UNC80: variants seen among roughly 807,000 people sequenced by gnomAD.
UNC80 encodes unc-80 subunit of NALCN channel complex.
UNC80 carries 164 observed loss-of-function variants against 384.6 expected under a neutral mutation model. That is an observed-to-expected ratio of 0.43 (90% CI 0.38 to 0.49). UNC80 has a LOEUF of 0.49. Among genes scored for constraint, UNC80 ranks in the 20% least tolerant of loss-of-function variants. UNC80 has a pLI of 0.00. For synonymous variants in UNC80, 1,486 were observed against 1,527.8 expected (o/e 0.97, Z 0.64); for missense variants, 3,330 against 4,143.0 (o/e 0.80, Z 5.39).
Position 209,973,164 on chromosome 2 carries a change from C to T in UNC80, c.8481C>T (p.Asn2827=), listed in dbSNP as rs1438680257. ...PRIISTSRSK[N]FMLESSPAHC... is the part of the protein sequence containing the mutation. The stretch of plus-strand genomic sequence containing the variant: ...TCATCAGCACATCCAGGAGCAAGAA[C>T]TTCATGTTAGAGAGCTCCCCAGCCC... The change falls in exon 56 of 65, where the codon AAC becomes AAT. Residue 2827 remains asparagine (N), a synonymous_variant. Transcript: ENST00000673920. 6.4e-7 allele frequency: 1 copy of T among 1,551,700 alleles called. No homozygotes were observed. The highest frequency in any genetic ancestry group is 8.7e-7 in the Non-Finnish European group (1 of 1,146,996).
intron 25 of UNC80, among the ~76,000 whole-genome samples, chr2:209,882,112 G>A (rs914508316): frequency 6.6e-6 from 1 of 151,666 alleles, no homozygotes; most frequent in Non-Finnish European, 1.5e-5. Context: ...GACTACAGGC[G>A]CGTGCCACCA....
At chr2:209,950,696 T>C (rs550546191) in intron 47 of UNC80, among the ~76,000 whole-genome samples, 2 of 151,930 alleles carry the variant, frequency 1.3e-5, no homozygotes, top group Non-Finnish European at 2.9e-5. Flanking sequence ...GTAGCTGGGA[T>C]TACAGGCATG....
At chr2:209,950,478 T>G (rs928467446) in intron 47 of UNC80, among the ~76,000 whole-genome samples, 8 of 152,024 alleles carry the variant, frequency 5.3e-5, no homozygotes, top group African/African-American at 1.9e-4. Flanking sequence ...AACCAGTATT[T>G]GGGGCTTTGT....
chr2:209,834,845 A>G, intron 17 of UNC80, 67 bp from the exon 18 acceptor site: 1 of 1,285,882 alleles, frequency 7.8e-7, no homozygotes, highest in Non-Finnish European at 1.1e-6. Context: ...TGTTTTATGA[A>G]GTGTATGAAG....
intron 48 of UNC80, among the ~76,000 whole-genome samples, chr2:209,955,714 TATATATATATATATATATATATATACAC>T (rs1162448732): frequency 1.3e-5 from 1 of 78,168 alleles, no homozygotes; most frequent in Non-Finnish European, 2.3e-5. Flanking sequence ...TATATATATA[TATATATATATATATATATATATATACAC>T]ACACACACAC....
At chr2:209,838,050 T>C (rs995535752) in intron 18 of UNC80, among the ~76,000 whole-genome samples, 2 of 152,038 alleles carry the variant, frequency 1.3e-5, no homozygotes, top group Non-Finnish European at 2.9e-5. Flanking sequence ...GGATTACAGG[T>C]GTGAGCCACT....
In UNC80 at chr2:209,986,373, A is replaced by G. The variant is rs375339938; in HGVS notation, c.9314+1461A>G. Among the ~76,000 whole-genome samples, 17 of 152,326 alleles carry G rather than the reference A, an allele frequency of 1.1e-4. No individual in the cohort carries two copies. In the South Asian group the frequency reaches 2.5e-3, roughly 22 times the overall value. On this transcript the variant is annotated intron_variant, in intron 61 of 64. Coordinates refer to ENST00000673920, the MANE Select transcript of UNC80 (RefSeq NM_001371986.1). ...TTGATGAGTAAGGATTGGTGAGAGAAGGCAGGAGTTTGAGATTGTTTTTAT... is the reference window on the plus strand; with the variant it reads ...TTGATGAGTAAGGATTGGTGAGAGAGGGCAGGAGTTTGAGATTGTTTTTAT...
rs767623091 is a variant in UNC80, at chr2:209,877,961, G to T, written c.3848G>T (p.Gly1283Val). 6 of 1,528,372 alleles carry T rather than the reference G, an allele frequency of 3.9e-6. No individual in the cohort carries two copies. The highest frequency in any genetic ancestry group is 2.5e-5 in the South Asian group (2 of 80,000). The allele number at this position is 1,528,372 out of a possible 1,614,324, so 94.7% of individuals were successfully genotyped here. A position where few individuals can be genotyped will look rare whatever the true frequency, so the allele number is the denominator to read the frequency against. ...TTTTCCTTCCCATTTTAGGCAATTG[G>T]CGTCCGATTGAATGAGCTGTGCCAC... ...KLFYQWGDAI[G>V]VRLNELCHGE... The change falls in exon 24 of 65, where the codon GGC becomes GTC. Residue 1283 changes from glycine (G) to valine (V), a missense_variant. Transcript: ENST00000673920.
rs2124882081 is a variant in UNC80, at chr2:209,872,348, G to C, written c.3628-410G>C. On this transcript the variant is annotated intron_variant, in intron 22 of 64. Transcript: ENST00000673920. The surrounding 1 kb of genome is among the most constrained non-coding windows in gnomAD (Gnocchi z 4.1). ...CTTGGTTAAAATAAGACTGGTTCTA[G>C]AAATGGAATATTTGTTTGCTTCATG... is the stretch of plus-strand genomic sequence containing the variant. Among the ~76,000 whole-genome samples, 1 of 152,246 alleles carries C rather than the reference G, an allele frequency of 6.6e-6. No homozygotes were observed. The highest frequency in any genetic ancestry group is 6.5e-5 in the Admixed American group (1 of 15,294).
chr2:209,940,393 A>G (rs1297892667), intron 43 of UNC80, among the ~76,000 whole-genome samples: 1 of 152,248 alleles, frequency 6.6e-6, no homozygotes, highest in Admixed American at 6.5e-5. Context: ...ACTCTAAATA[A>G]TACCTCAATT....
chr2:209,925,659 G>A (rs920567448), intron 35 of UNC80, among the ~76,000 whole-genome samples: 4 of 152,122 alleles, frequency 2.6e-5, no homozygotes, highest in Admixed American at 2.6e-4. Flanking sequence ...CCTTTAGCTA[G>A]ACACAGAGCA....
chr2:209,813,894 A>G, intron 8 of UNC80, 53 bp downstream of exon 8: 4 of 1,529,176 alleles, frequency 2.6e-6, no homozygotes, highest in Non-Finnish European at 3.5e-6. Context: ...GCCATAATGG[A>G]TTCTTTTTTT....
At chr2:209,840,700 A>T in intron 20 of UNC80, 52 bp downstream of exon 20, 3 of 1,439,086 alleles carry the variant, frequency 2.1e-6, no homozygotes, top group East Asian at 2.5e-5. Context: ...TGATACAAAC[A>T]TGTGAAGGCT....
chr2:209,878,231 A>G (rs1274765156), intron 24 of UNC80, 142 bp downstream of exon 24: 4 of 888,596 alleles, frequency 4.5e-6, no homozygotes, highest in Non-Finnish European at 6.2e-6. Flanking sequence ...TTCCCTGTGC[A>G]TGGGTGTAAA....
At chr2:209,985,157 TTATA>T (rs1248583416) in intron 61 of UNC80, among the ~76,000 whole-genome samples, 1 of 152,188 alleles carries the variant, frequency 6.6e-6, no homozygotes, top group Non-Finnish European at 1.5e-5. Context: ...TTTAAAAAAA[TTATA>T]GAATTCTTTA....
Position 209,961,840 on chromosome 2 carries a change from C to G in UNC80, c.7805+2133C>G, listed in dbSNP as rs1378360660. ...CAACTGATAAAAGGCAGATCATAATCAAAAAGCATGAAAATGTATTTGATC... is the reference window on the plus strand; with the variant it reads ...CAACTGATAAAAGGCAGATCATAATGAAAAAGCATGAAAATGTATTTGATC... On this transcript the variant is annotated intron_variant, in intron 51 of 64. Coordinates refer to ENST00000673920, the MANE Select transcript of UNC80 (RefSeq NM_001371986.1). 2.0e-5 allele frequency among the ~76,000 whole-genome samples: 3 copies of G among 152,214 alleles called. No individual in the cohort carries two copies. In the East Asian group the frequency reaches 5.8e-4, roughly 29 times the overall value.
intron 22 of UNC80, among the ~76,000 whole-genome samples, chr2:209,865,089 C>T (rs1045303800): frequency 6.6e-6 from 1 of 152,210 alleles, no homozygotes; most frequent in South Asian, 2.1e-4. Flanking sequence ...GGGGAGGACA[C>T]TCCCTGGCCC....
intron 10 of UNC80, 81 bp downstream of exon 10, chr2:209,817,206 A>C: frequency 7.3e-7 from 1 of 1,362,280 alleles, no homozygotes; most frequent in South Asian, 1.3e-5. Context: ...GGCAAATCTG[A>C]ATCTTTCTTG....
chr2:209,981,534 G>A (rs1014154856), intron 59 of UNC80, among the ~76,000 whole-genome samples: 44 of 152,318 alleles, frequency 2.9e-4, no homozygotes, highest in African/African-American at 1.0e-3. Flanking sequence ...CCAAGATCGC[G>A]CCAATGCACT....
Sources: gnomAD v4.1 joint callset for allele counts (sites outside exome capture counted in the v4.1 genomes callset) on GRCh38, gnomAD v4.1.1 for gene constraint, Gnocchi (gnomAD v3.1) non-coding constraint, MANE v1.5 for transcripts, NCBI Gene and HGNC (gene_info 2026-07-23, HGNC 2026-07-21) for gene names.